Variants in LYZL4 observed in about 807,000 individuals in gnomAD.
LYZL4 encodes lysozyme-like protein 4.
A neutral mutation model predicts 17.6 loss-of-function variants in LYZL4; 13 were observed. That is an observed-to-expected ratio of 0.74 (90% CI 0.48 to 1.18). The LOEUF (loss-of-function observed/expected upper bound fraction) is 1.18, where lower values mean the gene tolerates loss of function less well. Ranked by LOEUF, LYZL4 falls within the 50% of genes most tolerant of loss-of-function variation. LYZL4 has a pLI of 0.00. For missense variants in LYZL4, 174 were observed against 188.2 expected, an observed-to-expected ratio of 0.92 and a Z score of 0.44; for synonymous variants, 64 against 67.7, an observed-to-expected ratio of 0.95 and a Z score of 0.27.
the LYZL4 span, among the ~76,000 whole-genome samples, chr3:42,361,710 A>G: frequency 3.3e-5 from 5 of 152,238 alleles, no homozygotes; most frequent in Middle Eastern, 3.4e-3. Context: ...AGCCTGGTTA[A>G]CTGAGTGAGA....
Position 42,408,559 on chromosome 3 carries a change from C to A in LYZL4, c.-92-1216G>T, listed in dbSNP as rs1698806251. Among the ~76,000 whole-genome samples the A allele has an allele frequency of 1.3e-5, 2 of 152,182 alleles. 1 individual carries two copies. Among genetic ancestry groups the A allele is most frequent in the African/African-American group, 4.8e-5 (2 of 41,432 alleles). ...CCCCTATTGCTCTCAGAGTCTCTTC[C>A]ATGACACACTGCAGATGATTGTCCT... is the stretch of plus-strand genomic sequence containing the variant. On this transcript the variant is annotated intron_variant, in intron 1 of 4. Transcript: ENST00000287748.
At chr3:42,366,611 TTCTCTG>T in the LYZL4 span, among the ~76,000 whole-genome samples, 1 of 152,210 alleles carries the variant, frequency 6.6e-6, no homozygotes, top group Non-Finnish European at 1.5e-5. Context: ...ATCCCCTCCT[TTCTCTG>T]TCTCTTCTCC....
At chr3:42,378,109 G>C in the LYZL4 span, among the ~76,000 whole-genome samples, 1 of 152,180 alleles carries the variant, frequency 6.6e-6, no homozygotes, top group Non-Finnish European at 1.5e-5. Flanking sequence ...CAGGGGAGCA[G>C]AACTTGTGAG....
the LYZL4 span, among the ~76,000 whole-genome samples, chr3:42,373,119 G>T: frequency 1.2e-4 from 18 of 152,300 alleles, no homozygotes; most frequent in African/African-American, 3.8e-4. Context: ...GCTGAGGTAG[G>T]AGAATTGCTT....
At chr3:42,378,291 C>T in the LYZL4 span, among the ~76,000 whole-genome samples, 4 of 152,194 alleles carry the variant, frequency 2.6e-5, no homozygotes, top group Non-Finnish European at 5.9e-5. Context: ...GAGAATGTGG[C>T]CTCTGAAATT....
At chr3:42,407,491 C>T in intron 1 of LYZL4, 148 bp from the exon 2 acceptor site, 2 of 548,958 alleles carry the variant, frequency 3.6e-6, no homozygotes, top group Non-Finnish European at 6.5e-6. Flanking sequence ...TTCTCCTCCT[C>T]TTGACCTCCT....
chr3:42,382,332 G>A, the LYZL4 span, among the ~76,000 whole-genome samples: 1 of 152,210 alleles, frequency 6.6e-6, no homozygotes, highest in Admixed American at 6.5e-5. Context: ...CTGTGTGTGT[G>A]TGCGTGTAGT....
the LYZL4 span, among the ~76,000 whole-genome samples, chr3:42,383,663 C>A: frequency 1.7e-3 from 263 of 151,800 alleles, 1 homozygote; most frequent in African/African-American, 6.0e-3. Context: ...AAAGAAAAAA[C>A]CAGAATTGCA....
chr3:42,395,954 C>T (rs190375714), downstream of LYZL4, among the ~76,000 whole-genome samples: 28 of 152,036 alleles, frequency 1.8e-4, no homozygotes, highest in African/African-American at 6.0e-4. Context: ...CCCAGCTACT[C>T]GGGAGGCTGA....
chr3:42,407,542 C>G (rs1321066304), intron 1 of LYZL4, 199 bp from the exon 2 acceptor site: 1 of 407,900 alleles, frequency 2.5e-6, no homozygotes, highest in South Asian at 3.2e-5. Flanking sequence ...CCCTCCCAAC[C>G]CCAATTCTTT....
chr3:42,395,927 T>C (rs1188368620), downstream of LYZL4, among the ~76,000 whole-genome samples: 1 of 152,076 alleles, frequency 6.6e-6, no homozygotes, highest in African/African-American at 2.4e-5. Context: ...CAGGTGTTGT[T>C]GGTGCGTGCC....
chr3:42,361,270 A>G, the LYZL4 span, among the ~76,000 whole-genome samples: 3 of 152,186 alleles, frequency 2.0e-5, no homozygotes, highest in East Asian at 1.9e-4. Flanking sequence ...GACAACATGT[A>G]TTGTAGTCAC....
At chr3:42,407,060 A>G (rs1029598804) in intron 2 of LYZL4, 53 bp downstream of exon 2, 3 of 1,613,714 alleles carry the variant, frequency 1.9e-6, no homozygotes, top group Non-Finnish European at 2.5e-6. Context: ...GCTTGGCCAG[A>G]GAAGGGAGGG....
the LYZL4 span, among the ~76,000 whole-genome samples, chr3:42,391,813 T>C: frequency 0.27 from 41,633 of 151,734 alleles, 5,852 homozygotes; most frequent in East Asian, 0.39. Flanking sequence ...CAATATGTTT[T>C]TTTGATGGTG....
intron 3 of LYZL4, among the ~76,000 whole-genome samples, chr3:42,405,517 C>T (rs1339255824): frequency 6.6e-6 from 1 of 152,170 alleles, no homozygotes. Flanking sequence ...CAGGTACTCC[C>T]CAGGCCACAT....
downstream of LYZL4, among the ~76,000 whole-genome samples, chr3:42,393,470 C>G (rs1476415227): frequency 2.6e-5 from 4 of 152,148 alleles, no homozygotes; most frequent in African/African-American, 4.8e-5. Context: ...ACCCCCATGG[C>G]CTCACTGCTG....
downstream of LYZL4, among the ~76,000 whole-genome samples, chr3:42,395,820 G>A (rs552911442): frequency 6.6e-6 from 1 of 152,284 alleles, no homozygotes; most frequent in African/African-American, 2.4e-5. Flanking sequence ...CTAACATTTT[G>A]GGAGGCGAGG....
chr3:42,400,718 AG>A (rs1288674952), intron 4 of LYZL4, among the ~76,000 whole-genome samples: 1 of 152,210 alleles, frequency 6.6e-6, no homozygotes, highest in Non-Finnish European at 1.5e-5. Flanking sequence ...CACTCTTTCT[AG>A]ATCTATCTGG....
chr3:42,361,439 C>T, the LYZL4 span, among the ~76,000 whole-genome samples: 1 of 152,016 alleles, frequency 6.6e-6, no homozygotes, highest in African/African-American at 2.4e-5. Context: ...AGGTGAAAGA[C>T]TTCTATACTT....
Sources: allele counts gnomAD v4.1 joint callset (sites outside exome capture counted in the v4.1 genomes callset), GRCh38; gene constraint gnomAD v4.1.1; transcripts MANE v1.5; gene names NCBI Gene and HGNC (gene_info 2026-07-23, HGNC 2026-07-21).